ARHGEF9: variants seen among roughly 807,000 people sequenced by gnomAD.
The protein encoded by ARHGEF9 is Cdc42 guanine nucleotide exchange factor 9.
Under a neutral mutation model 41.3 loss-of-function variants are expected in ARHGEF9, and 2 were observed. That is an observed-to-expected ratio of 0.05 (90% CI 0.02 to 0.15). The LOEUF is 0.15. ARHGEF9 is among the 10% of genes least tolerant of loss of function. ARHGEF9 has a pLI of 1.00. For missense variants in ARHGEF9, 225 were observed against 424.7 expected (o/e 0.53, Z 4.13); for synonymous variants, 160 against 154.4 (o/e 1.04, Z -0.27).
At chrX:63,673,323 G>A (rs782616315) in intron 6 of ARHGEF9, among the ~76,000 whole-genome samples, 16 of 111,305 alleles carry the variant, frequency 1.4e-4, no homozygotes, top group African/African-American at 2.9e-4. Context: ...CTAGTAGCAC[G>A]TCCAGCCTCT....
At chrX:63,650,236 A>G (rs2048455317) in intron 8 of ARHGEF9, among the ~76,000 whole-genome samples, 1 of 111,673 alleles carries the variant, frequency 9.0e-6, no homozygotes, top group Non-Finnish European at 1.9e-5. Context: ...TCTCATGTTT[A>G]TCACAGCATT....
Position 63,655,756 on chromosome X carries a change from G to A in ARHGEF9, c.1078-19C>T, listed in dbSNP as rs1412565246. 21 of 1,202,755 alleles carry A rather than the reference G, an allele frequency of 1.7e-5. No individual in the cohort carries two copies. Among genetic ancestry groups the A allele is most frequent in the Middle Eastern group, 2.3e-4 (1 of 4,358 alleles). The stretch of plus-strand genomic sequence containing the variant: ...TTAGGTCCTAGATGGGAAGGAAGAG[G>A]TTTCTTGAAGGTATGTGCACGGCGA... On this transcript the variant is annotated intron_variant, in intron 7 of 9. Transcript: ENST00000671741.
At chrX:63,655,778 G>A in intron 7 of ARHGEF9, 41 bp from the exon 8 acceptor site, 1 of 1,196,735 alleles carries the variant, frequency 8.4e-7, no homozygotes, top group Non-Finnish European at 1.1e-6. Flanking sequence ...TATGTGCACG[G>A]CGAGTACTAG....
At chrX:63,783,972 T>C (rs782035447) in intron 1 of ARHGEF9, among the ~76,000 whole-genome samples, 9 of 111,836 alleles carry the variant, frequency 8.0e-5, no homozygotes, top group Admixed American at 6.6e-4. Flanking sequence ...AACAAAACTC[T>C]GAGGAAGGGA....
chrX:63,661,749 G>GCTCTCCTTTTCTCTCTCTCTCTCT (rs2049235726), intron 7 of ARHGEF9, among the ~76,000 whole-genome samples: 1 of 109,895 alleles, frequency 9.1e-6, no homozygotes, highest in Non-Finnish European at 1.9e-5. Flanking sequence ...GTACTCTCTT[G>GCTCTCCTTTTCTCTCTCTCTCTCT]CTCTCCTTTT....
At chrX:63,687,853 A>G (rs1237533114) in intron 4 of ARHGEF9, among the ~76,000 whole-genome samples, 1 of 110,211 alleles carries the variant, frequency 9.1e-6, no homozygotes, top group Non-Finnish European at 1.9e-5. Context: ...GAACGCCAAC[A>G]AGATCTAGGG....
intron 1 of ARHGEF9, among the ~76,000 whole-genome samples, chrX:63,782,737 T>C (rs782381697): frequency 1.7e-4 from 19 of 112,598 alleles, no homozygotes; most frequent in African/African-American, 5.8e-4. Context: ...GGTGGCTAGA[T>C]ACACAATCCC....
intron 1 of ARHGEF9, among the ~76,000 whole-genome samples, chrX:63,732,879 G>A (rs1381198536): frequency 9.0e-5 from 10 of 111,701 alleles, no homozygotes; most frequent in African/African-American, 2.6e-4. Flanking sequence ...GTTACACGTA[G>A]CGACACTGGG....
intron 1 of ARHGEF9, 76 bp downstream of exon 1, chrX:63,785,040 C>T (rs1308539703): frequency 9.8e-5 from 110 of 1,126,822 alleles, no homozygotes; most frequent in Non-Finnish European, 1.2e-4. Context: ...TGCCTTGTGG[C>T]TCGTTGGAGG....
At chrX:63,730,103 T>C (rs1267195598) in intron 1 of ARHGEF9, among the ~76,000 whole-genome samples, 1 of 111,373 alleles carries the variant, frequency 9.0e-6, no homozygotes, top group African/African-American at 3.3e-5. Flanking sequence ...GCATGTGTGT[T>C]TGCAGTGAGC....
intron 7 of ARHGEF9, 150 bp downstream of exon 7, chrX:63,665,736 G>T: frequency 1.3e-6 from 1 of 742,018 alleles, no homozygotes; most frequent in Non-Finnish European, 2.0e-6. Flanking sequence ...CCACATTAGT[G>T]TTCCTGATAC....
At chrX:63,701,397 C>G (rs1387705317) in intron 3 of ARHGEF9, 2 of 110,434 alleles carry the variant, frequency 1.8e-5, no homozygotes, top group Admixed American at 9.6e-5. Context: ...GATAGGCGAC[C>G]TGACAAACAT....
At chrX:63,754,357 C>A in intron 1 of ARHGEF9, 1 of 1,209,679 alleles carries the variant, frequency 8.3e-7, no homozygotes, top group Admixed American at 2.2e-5. Flanking sequence ...CGTTTTCCCC[C>A]CTGAGTAAGA....
chrX:63,724,829 G>T, intron 1 of ARHGEF9, 118 bp from the exon 2 acceptor site: 2 of 703,538 alleles, frequency 2.8e-6, no homozygotes, highest in South Asian at 2.4e-5. Context: ...GTGAGAGATA[G>T]GGGTGAGGGG....
intron 1 of ARHGEF9, among the ~76,000 whole-genome samples, chrX:63,748,504 G>A (rs1556436881): frequency 9.0e-6 from 1 of 111,711 alleles, no homozygotes; most frequent in Non-Finnish European, 1.9e-5. Flanking sequence ...GGACCAACAT[G>A]TCAAGATAAA....
intron 7 of ARHGEF9, among the ~76,000 whole-genome samples, chrX:63,660,154 A>T (rs1279146313): frequency 8.9e-6 from 1 of 111,940 alleles, no homozygotes; most frequent in Non-Finnish European, 1.9e-5. Flanking sequence ...ATGATGATCA[A>T]TGATAGACTG....
At chrX:63,783,194 G>A (rs2056408900) in intron 1 of ARHGEF9, among the ~76,000 whole-genome samples, 1 of 111,403 alleles carries the variant, frequency 9.0e-6, no homozygotes, top group East Asian at 2.8e-4. Flanking sequence ...CAATATATTT[G>A]GGAGAGGAAG....
intron 2 of ARHGEF9, among the ~76,000 whole-genome samples, chrX:63,715,644 G>A (rs1480758533): frequency 5.4e-5 from 6 of 111,956 alleles, no homozygotes; most frequent in Non-Finnish European, 1.1e-4. Flanking sequence ...CGCAACATCT[G>A]TCTTATGTTT....
Position 63,755,224 on chromosome X carries a change from G to A in ARHGEF9, c.30+29892C>T, listed in dbSNP as rs1362293177. The A allele has an allele frequency of 1.1e-5, 10 of 937,190 alleles. No individual in the cohort carries two copies. The African/African-American group carries it at 2.0e-4, about 19-fold the overall frequency. 77.2% of individuals were successfully genotyped at this position (937,190 alleles called of 1,213,427 possible). A position where few individuals can be genotyped will look rare whatever the true frequency, so the allele number is the denominator to read the frequency against. On this transcript the variant is annotated intron_variant, in intron 1 of 9. Coordinates refer to ENST00000671741, the MANE Select transcript of ARHGEF9 (RefSeq NM_001353921.2). The stretch of plus-strand genomic sequence containing the variant: ...CTGACATACCCGCCGACCAATAACA[G>A]ATGCCGCAGTAGCACGTTCGCTGCC...
Sources: allele counts gnomAD v4.1 joint callset (sites outside exome capture counted in the v4.1 genomes callset), GRCh38; gene constraint gnomAD v4.1.1; transcripts MANE v1.5; gene names NCBI Gene and HGNC (gene_info 2026-07-23, HGNC 2026-07-21).